The following RRP15 variants were observed in gnomAD, a reference collection of about 807,000 sequenced individuals.
RRP15 encodes RRP15-like protein.
RRP15 carries 18 observed loss-of-function variants against 27.1 expected under a neutral mutation model. The ratio of observed to expected loss-of-function variants is 0.66; its 90% CI spans 0.46 to 0.98. RRP15 has a LOEUF of 0.98. Ranked by LOEUF, RRP15 falls within the 50% of genes least tolerant of loss-of-function variation. RRP15 has a pLI of 0.00. For missense variants in RRP15, 359 were observed against 337.8 expected (o/e 1.06, Z -0.49); for synonymous variants, 107 against 109.4 (o/e 0.98, Z 0.14).
chr1:218,327,445 A>T (rs756309123), intron 4 of RRP15, among the ~76,000 whole-genome samples: 2 of 152,032 alleles, frequency 1.3e-5, no homozygotes, highest in Non-Finnish European at 2.9e-5. Flanking sequence ...TGGGATTATA[A>T]GCCTGTGCTA....
chr1:218,296,262 C>T (rs1170067420), intron 1 of RRP15, among the ~76,000 whole-genome samples: 1 of 152,144 alleles, frequency 6.6e-6, no homozygotes, highest in Non-Finnish European at 1.5e-5. Flanking sequence ...TTGACAGCCC[C>T]GTTAGCTTTG....
intron 4 of RRP15, among the ~76,000 whole-genome samples, chr1:218,310,159 T>C (rs1655969524): frequency 6.6e-6 from 1 of 152,230 alleles, no homozygotes; most frequent in South Asian, 2.1e-4. Context: ...AACCTTGTCC[T>C]AGCACCATAG....
At chr1:218,291,743 G>T (rs1391485215) in intron 1 of RRP15, among the ~76,000 whole-genome samples, 1 of 151,908 alleles carries the variant, frequency 6.6e-6, no homozygotes, top group African/African-American at 2.4e-5. Context: ...TGTTGGCCAG[G>T]ATAGTCTGGA....
At chr1:218,289,588 A>G (rs1359841668) in intron 1 of RRP15, among the ~76,000 whole-genome samples, 1 of 152,246 alleles carries the variant, frequency 6.6e-6, no homozygotes, top group Admixed American at 6.5e-5. Context: ...TGGAAACACA[A>G]GTGTCATCCT....
intron 1 of RRP15, among the ~76,000 whole-genome samples, chr1:218,294,318 C>A (rs1655688861): frequency 6.6e-6 from 1 of 152,176 alleles, no homozygotes; most frequent in Admixed American, 6.5e-5. Flanking sequence ...TCAGACCCCA[C>A]AGACTGAGGG....
At chr1:218,314,714 G>A (rs1380275052) in intron 4 of RRP15, among the ~76,000 whole-genome samples, 3 of 151,664 alleles carry the variant, frequency 2.0e-5, no homozygotes, top group Admixed American at 1.3e-4. Context: ...ATTTTTTGGC[G>A]GGACATGGTG....
intron 1 of RRP15, 32 bp downstream of exon 1, chr1:218,285,487 G>A (rs1349389549): frequency 1.2e-6 from 2 of 1,612,222 alleles, no homozygotes; most frequent in African/African-American, 1.3e-5. Context: ...TTGGTGTCTG[G>A]GAGGAAAGGC....
intron 1 of RRP15, among the ~76,000 whole-genome samples, chr1:218,288,343 A>C (rs1391814091): frequency 6.6e-6 from 1 of 152,228 alleles, no homozygotes; most frequent in Non-Finnish European, 1.5e-5. Context: ...GTGAGCTTAT[A>C]GCACCATAGG....
intron 4 of RRP15, among the ~76,000 whole-genome samples, chr1:218,312,275 C>CT (rs1474695408): frequency 7.0e-6 from 1 of 143,814 alleles, no homozygotes. Context: ...TTCTTTCTTT[C>CT]TTTTTTCTTT....
In RRP15 at chr1:218,285,309, G is replaced by C. The variant is rs750554736; in HGVS notation, c.-8G>C. On this transcript the variant is annotated 5_prime_UTR_variant, in exon 1 of 5. Transcript: ENST00000366932. ...GCAACTGTCAGGTGACGCTTCCGGCGCAGAAAAATGGCAGCCGCCGCTCCG... is the reference window on the plus strand; with the variant it reads ...GCAACTGTCAGGTGACGCTTCCGGCCCAGAAAAATGGCAGCCGCCGCTCCG... 1 of 1,613,028 alleles carries C rather than the reference G, an allele frequency of 6.2e-7. No individual in the cohort carries two copies. The highest frequency in any genetic ancestry group is 1.1e-5 in the South Asian group (1 of 91,044).
intron 1 of RRP15, among the ~76,000 whole-genome samples, chr1:218,287,417 G>T (rs923589400): frequency 5.3e-5 from 8 of 152,070 alleles, no homozygotes; most frequent in African/African-American, 1.9e-4. Context: ...GGGTTAAAAA[G>T]GTTTTTGGCC....
At chr1:218,296,693 A>G (rs1215878660) in intron 1 of RRP15, among the ~76,000 whole-genome samples, 2 of 152,060 alleles carry the variant, frequency 1.3e-5, no homozygotes, top group African/African-American at 4.8e-5. Context: ...GATAATACAT[A>G]AAAAGTGCTT....
rs1352731361 is a variant in RRP15 at position 218,307,704 on chromosome 1, G to A, written c.705+72G>A. 3.9e-6 allele frequency: 4 copies of A among 1,014,046 alleles called. No individual in the cohort carries two copies. In the African/African-American group the frequency reaches 6.5e-5, roughly 17 times the overall value. The allele number at this position is 1,014,046 out of a possible 1,614,324, so 62.8% of individuals were successfully genotyped here. On this transcript the variant is annotated intron_variant, in intron 4 of 4. Coordinates refer to ENST00000366932, the MANE Select transcript of RRP15 (RefSeq NM_016052.4). Reference sequence around the variant, plus strand: ...AAACTAGTCTTGAGATGGAAAACCAGACTATAGAATTACAGAGTTTTGTGT... The same window carrying A: ...AAACTAGTCTTGAGATGGAAAACCAAACTATAGAATTACAGAGTTTTGTGT...
intron 4 of RRP15, among the ~76,000 whole-genome samples, chr1:218,316,482 G>C (rs547856159): frequency 6.6e-6 from 1 of 152,156 alleles, no homozygotes; most frequent in African/African-American, 2.4e-5. Flanking sequence ...TTGCATCTTG[G>C]TAAAAATTAC....
intron 3 of RRP15, among the ~76,000 whole-genome samples, chr1:218,306,677 T>C (rs982342462): frequency 5.9e-5 from 9 of 152,182 alleles, no homozygotes; most frequent in Non-Finnish European, 1.0e-4. Context: ...GAATGTGAGC[T>C]ACATTCATTT....
chr1:218,314,988 C>T (rs1329569088), intron 4 of RRP15, among the ~76,000 whole-genome samples: 1 of 118,632 alleles, frequency 8.4e-6, no homozygotes, highest in Admixed American at 9.1e-5. Context: ...AAGGCTCCAT[C>T]TCAAAAAAAA....
chr1:218,295,808 G>C (rs998865635), intron 1 of RRP15, among the ~76,000 whole-genome samples: 6 of 152,128 alleles, frequency 3.9e-5, no homozygotes, highest in Admixed American at 3.3e-4. Context: ...TTGCCCAATA[G>C]CACATGTAAT....
intron 4 of RRP15, among the ~76,000 whole-genome samples, chr1:218,320,057 C>A (rs909207546): frequency 3.8e-4 from 37 of 97,322 alleles, no homozygotes; most frequent in Non-Finnish European, 6.6e-4. Flanking sequence ...CTTTTTTTTT[C>A]TTTTATTTTA....
intron 1 of RRP15, among the ~76,000 whole-genome samples, chr1:218,300,782 T>C (rs759381745): frequency 3.3e-5 from 5 of 152,156 alleles, no homozygotes; most frequent in African/African-American, 4.8e-5. Flanking sequence ...AAACAGCGGT[T>C]ATGGTTCTGA....
Sources: allele counts gnomAD v4.1 joint callset (sites outside exome capture counted in the v4.1 genomes callset), GRCh38; gene constraint gnomAD v4.1.1; transcripts MANE v1.5; gene names NCBI Gene and HGNC (gene_info 2026-07-23, HGNC 2026-07-21).